The following DNAI3 variants were observed in gnomAD, a reference collection of about 807,000 sequenced individuals.
DNAI3 encodes WD repeat domain 63.
DNAI3 carries 83 observed loss-of-function variants against 115.5 expected under a neutral mutation model. The observed-to-expected ratio is 0.72, with a 90% CI of 0.60 to 0.86. DNAI3 has a LOEUF of 0.86. Ranked by LOEUF, DNAI3 falls within the 40% of genes least tolerant of loss-of-function variation. The pLI, the probability that DNAI3 is intolerant of heterozygous loss-of-function variation, is 0.00. For missense variants in DNAI3, 1,004 were observed against 1,075.8 expected (o/e 0.93, Z 0.93); for synonymous variants, 320 against 347.0 (o/e 0.92, Z 0.86).
intron 16 of DNAI3, among the ~76,000 whole-genome samples, chr1:85,112,775 T>C (rs557813005): frequency 1.8e-4 from 27 of 152,368 alleles, no homozygotes; most frequent in African/African-American, 6.5e-4. Flanking sequence ...TTGTTTGTTT[T>C]ATTTTTATTT....
Position 85,073,052 on chromosome 1 carries a change from A to G in DNAI3, c.65-2A>G. On this transcript the variant is annotated splice_acceptor_variant, in intron 2 of 22. Transcript: ENST00000294664. LOFTEE classifies it high-confidence loss of function. Reference sequence around the variant, plus strand: ...ATTTGACTTCCTTTTATTATATTCTAGCTAGTGAAGACATGGAACCAGTAA... The same window carrying G: ...ATTTGACTTCCTTTTATTATATTCTGGCTAGTGAAGACATGGAACCAGTAA... 6.5e-7 allele frequency: 1 copy of G among 1,536,862 alleles called. No individual in the cohort carries two copies. Among genetic ancestry groups the G allele is most frequent in the Non-Finnish European group, 8.8e-7 (1 of 1,137,234 alleles).
intron 1 of DNAI3, 140 bp from the exon 2 acceptor site, chr1:85,071,788 G>A: frequency 2.6e-6 from 2 of 772,944 alleles, no homozygotes; most frequent in Non-Finnish European, 4.2e-6. Context: ...CCCGTTCTAT[G>A]AAGATACAGG....
chr1:85,098,471 A>G, intron 12 of DNAI3, 59 bp from the exon 13 acceptor site: 3 of 1,577,732 alleles, frequency 1.9e-6, no homozygotes, highest in Non-Finnish European at 8.6e-7. Flanking sequence ...TGAGTAAAGT[A>G]TGAGTTCATT....
At chr1:85,088,827 A>G (rs1296753942) in intron 7 of DNAI3, among the ~76,000 whole-genome samples, 1 of 152,132 alleles carries the variant, frequency 6.6e-6, no homozygotes, top group African/African-American at 2.4e-5. Flanking sequence ...ACCAAGCAAT[A>G]TATCATTTTG....
At chr1:85,098,927 T>A in intron 13 of DNAI3, among the ~76,000 whole-genome samples, 1 of 152,192 alleles carries the variant, frequency 6.6e-6, no homozygotes, top group African/African-American at 2.4e-5. Context: ...GATGAGGGCT[T>A]GATGTGTAAA....
At position 85,098,664 on chromosome 1, in the gene DNAI3, A is replaced by T; in HGVS notation, c.1479+6A>T. Reference sequence around the variant, plus strand: ...GGTTGTCTGACACATTTGAGGTGAGACTTGATGGCCTTATACTTTTCTCCT... The same window carrying T: ...GGTTGTCTGACACATTTGAGGTGAGTCTTGATGGCCTTATACTTTTCTCCT... On this transcript the variant is annotated splice_donor_region_variant and intron_variant, in intron 13 of 22. Transcript: ENST00000294664. 6.2e-7 allele frequency: 1 copy of T among 1,611,576 alleles called. No homozygotes were observed. Among genetic ancestry groups the T allele is most frequent in the Non-Finnish European group, 8.5e-7 (1 of 1,179,076 alleles).
intron 1 of DNAI3, among the ~76,000 whole-genome samples, chr1:85,063,536 T>C (rs920101470): frequency 6.6e-6 from 1 of 152,248 alleles, no homozygotes; most frequent in African/African-American, 2.4e-5. Flanking sequence ...AGACCACCAG[T>C]GCAAGACTGT....
At chr1:85,072,072 G>T (rs945933626) in intron 2 of DNAI3, 67 bp downstream of exon 2, 1 of 1,430,020 alleles carries the variant, frequency 7.0e-7, no homozygotes, top group Admixed American at 2.2e-5. Flanking sequence ...GCAGCAAAAT[G>T]ATTATGGTTT....
chr1:85,113,754 T>C (rs1370704358), intron 16 of DNAI3, among the ~76,000 whole-genome samples: 2 of 152,182 alleles, frequency 1.3e-5, no homozygotes, highest in Non-Finnish European at 2.9e-5. Context: ...ACTGAGATTG[T>C]ATTGAATCTG....
At chr1:85,078,797 G>T (rs1334263856) in intron 3 of DNAI3, among the ~76,000 whole-genome samples, 1 of 152,176 alleles carries the variant, frequency 6.6e-6, no homozygotes, top group East Asian at 1.9e-4. Context: ...ATCACTGTTT[G>T]CCAACTCGAA....
intron 7 of DNAI3, among the ~76,000 whole-genome samples, chr1:85,087,062 T>C (rs1654818466): frequency 6.6e-6 from 1 of 152,072 alleles, no homozygotes; most frequent in Non-Finnish European, 1.5e-5. Context: ...GTCCTTTACA[T>C]AGAATGCTCT....
Position 85,084,685 on chromosome 1 carries a change from C to G in DNAI3, c.530C>G (p.Ser177Cys), listed in dbSNP as rs1366160710. The change falls in exon 6 of 23, where the codon TCT becomes TGT. Residue 177 changes from serine to cysteine, a missense_variant. Transcript: ENST00000294664. ...ATTGAGGAAGAATCAGTTACGGAATCTACAAAGCAGGTTAGAGGGTTATAT... is the reference window on the plus strand; with the variant it reads ...ATTGAGGAAGAATCAGTTACGGAATGTACAAAGCAGGTTAGAGGGTTATAT... ...KEIEEESVTESTKQITYMISR... is the reference protein window; with the variant it reads ...KEIEEESVTECTKQITYMISR... 2 of 1,523,512 alleles carry G rather than the reference C, an allele frequency of 1.3e-6. No individual in the cohort carries two copies. The highest frequency in any genetic ancestry group is 1.8e-6 in the Non-Finnish European group (2 of 1,134,466). The allele number at this position is 1,523,512 out of a possible 1,614,324, so 94.4% of individuals were successfully genotyped here. A position where few individuals can be genotyped will look rare whatever the true frequency, so the allele number is the denominator to read the frequency against.
chr1:85,107,977 C>G, intron 14 of DNAI3, 56 bp from the exon 15 acceptor site: 2 of 1,310,276 alleles, frequency 1.5e-6, no homozygotes, highest in Non-Finnish European at 2.0e-6. Flanking sequence ...AATGGTAGTC[C>G]TGAGGCTGCA....
chr1:85,076,168 A>G (rs1478385867), intron 3 of DNAI3, among the ~76,000 whole-genome samples: 5 of 152,018 alleles, frequency 3.3e-5, no homozygotes, highest in Non-Finnish European at 7.4e-5. Flanking sequence ...GTCATTCTCT[A>G]TGACCTCTGT....
Position 85,108,158 on chromosome 1 carries a change from C to G in DNAI3, c.1679C>G (p.Ser560Cys), listed in dbSNP as rs769836816. The G allele has an allele frequency of 6.3e-7, 1 of 1,599,574 alleles. No homozygotes were observed. Among genetic ancestry groups the G allele is most frequent in the African/African-American group, 1.3e-5 (1 of 74,118 alleles). The change falls in exon 15 of 23, where the codon TCC (serine) becomes TGC (cysteine). Residue 560 changes from serine to cysteine, a missense_variant. Transcript: ENST00000294664. The part of the protein sequence containing the change: ...VPSTFLHLDL[S>C]WKPLTKVRLS... The stretch of plus-strand genomic sequence containing the variant: ...TCTACTTTTTTGCATCTGGATCTCT[C>G]CTGGAAACCTCTCACTAAGGTAAGT...
At position 85,090,116 on chromosome 1, in the gene DNAI3, G is replaced by T; in HGVS notation, c.741G>T (p.Trp247Cys). 1 of 1,517,880 alleles carries T rather than the reference G, an allele frequency of 6.6e-7. No homozygotes were observed. The highest frequency in any genetic ancestry group is 1.3e-5 in the South Asian group (1 of 74,528). 94.0% of individuals were successfully genotyped at this position (1,517,880 alleles called of 1,614,324 possible). A position where few individuals can be genotyped will look rare whatever the true frequency, so the allele number is the denominator to read the frequency against. The change falls in exon 8 of 23, where the codon TGG (tryptophan) becomes TGT (cysteine). Residue 247 changes from tryptophan (W) to cysteine (C), a missense_variant and splice_region_variant. By Grantham distance (215) the Trp-to-Cys change is radical. This residue lies in a region of DNAI3 where 550 missense variants were observed against 568.1 expected (regional missense o/e 0.97). Coordinates refer to ENST00000294664, the MANE Select transcript of DNAI3 (RefSeq NM_145172.5). The part of the protein sequence containing the change: ...QIKDISTQTK[W>C]TYPKNATTQY... ...ATTGAATTTTCTTTTAATATATTAGGACATATCCTAAAAATGCTACTACGC... is the reference window on the plus strand; with the variant it reads ...ATTGAATTTTCTTTTAATATATTAGTACATATCCTAAAAATGCTACTACGC...
chr1:85,131,190 T>C (rs1557730135), intron 22 of DNAI3, among the ~76,000 whole-genome samples: 1 of 152,062 alleles, frequency 6.6e-6, no homozygotes, highest in Non-Finnish European at 1.5e-5. Flanking sequence ...CTCACACCTG[T>C]AATCCCAGCA....
Position 85,085,870 on chromosome 1 carries a change from G to A in DNAI3, c.580G>A (p.Ala194Thr), listed in dbSNP as rs755040157. The A allele has an allele frequency of 5.6e-6, 9 of 1,614,056 alleles. No homozygotes were observed. The East Asian group carries it at 6.7e-5, about 12-fold the overall frequency. Residue 194 changes from alanine (A) to threonine (T), a missense_variant, in exon 7 of 23, where the codon GCA (alanine) becomes ACA (threonine). Ala to Thr is a moderately conservative substitution (Grantham distance 58). Coordinates refer to ENST00000294664, the MANE Select transcript of DNAI3 (RefSeq NM_145172.5). ...TTCTCGAAAACGAAGTGAATTTGGT[G>A]CACCAATTAAGTTCAGTGACCAGAA... ...MISRKRSEFG[A>T]PIKFSDQNAS...
intron 8 of DNAI3, among the ~76,000 whole-genome samples, chr1:85,091,903 A>G (rs1419197326): frequency 1.3e-5 from 2 of 152,152 alleles, no homozygotes; most frequent in Admixed American, 1.3e-4. Context: ...CTGGCTAAGG[A>G]GGTAGAATCA....
Sources: allele counts gnomAD v4.1 joint callset (sites outside exome capture counted in the v4.1 genomes callset), GRCh38; gene constraint gnomAD v4.1.1; regional missense constraint gnomAD v4.1.1; transcripts MANE v1.5; gene names NCBI Gene and HGNC (gene_info 2026-07-23, HGNC 2026-07-21).